DCDC1: variants seen among roughly 807,000 people sequenced by gnomAD.
DCDC1 encodes the protein doublecortin domain containing 1.
In DCDC1, 200 loss-of-function variants were observed where a neutral mutation model predicts 178.3. The ratio of observed to expected loss-of-function variants is 1.12; its 90% CI spans 1.00 to 1.26. The LOEUF (loss-of-function observed/expected upper bound fraction) is 1.26. Among genes scored for constraint, DCDC1 ranks in the 50% most tolerant of loss-of-function variants. DCDC1 has a pLI of 0.00. For synonymous variants in DCDC1, 690 were observed against 604.8 expected, an observed-to-expected ratio of 1.14 and a Z score of -2.07; for missense variants, 1,983 against 1,749.2, an observed-to-expected ratio of 1.13 and a Z score of -2.38.
chr11:31,033,459 T>C (rs193049949), intron 20 of DCDC1, among the ~76,000 whole-genome samples: 2 of 152,298 alleles, frequency 1.3e-5, no homozygotes, highest in Admixed American at 1.3e-4. Flanking sequence ...GGAATTCTCC[T>C]GTAAGAAAGA....
intron 9 of DCDC1, among the ~76,000 whole-genome samples, chr11:31,231,947 C>G (rs1467343324): frequency 2.0e-5 from 3 of 152,240 alleles, no homozygotes; most frequent in Admixed American, 6.5e-5. Context: ...AAAGTAAACT[C>G]TAGCATATGC....
At chr11:30,922,423 A>T in intron 24 of DCDC1, 80 bp downstream of exon 24, 2 of 1,400,660 alleles carry the variant, frequency 1.4e-6, no homozygotes, top group South Asian at 1.8e-5. Context: ...GTTTAAACAA[A>T]CTTTGACTTT....
chr11:30,925,514 C>A lies in DCDC1; in HGVS notation c.2898-106G>T. On this transcript the variant is annotated intron_variant, in intron 22 of 38. Coordinates refer to ENST00000684477, the MANE Select transcript of DCDC1 (RefSeq NM_001387274.1). ...CCTGAATCCATAATGACAACTCTCT[C>A]TGCAGGACTGTTAGTCATGAGCTGG... The A allele has an allele frequency of 7.5e-6, 7 of 931,530 alleles. No homozygotes were observed. In the South Asian group the frequency reaches 1.1e-4, roughly 14 times the overall value. The allele number at this position is 931,530 out of a possible 1,614,324, so 57.7% of individuals were successfully genotyped here.
chr11:31,125,760 C>T (rs969770433), intron 11 of DCDC1, among the ~76,000 whole-genome samples: 4 of 152,036 alleles, frequency 2.6e-5, no homozygotes, highest in African/African-American at 4.8e-5. Context: ...GATCAACACA[C>T]ACTGGGGCCC....
At chr11:31,278,492 G>T (rs985321260) in intron 7 of DCDC1, among the ~76,000 whole-genome samples, 8 of 152,086 alleles carry the variant, frequency 5.3e-5, no homozygotes, top group Admixed American at 1.3e-4. Flanking sequence ...GAGTAGAATG[G>T]TGATTACAGG....
At chr11:31,002,141 C>G (rs1951612290) in intron 20 of DCDC1, among the ~76,000 whole-genome samples, 1 of 152,108 alleles carries the variant, frequency 6.6e-6, no homozygotes, top group Non-Finnish European at 1.5e-5. Flanking sequence ...CCACCTATGA[C>G]TTACACATTA....
At chr11:31,205,305 A>C (rs1971741094) in intron 9 of DCDC1, among the ~76,000 whole-genome samples, 2 of 152,224 alleles carry the variant, frequency 1.3e-5, no homozygotes, top group South Asian at 4.1e-4. Context: ...TGTATGGTAC[A>C]CAAAGCCTAA....
intron 9 of DCDC1, among the ~76,000 whole-genome samples, chr11:31,238,627 T>G (rs545569431): frequency 6.6e-6 from 1 of 152,164 alleles, no homozygotes; most frequent in Non-Finnish European, 1.5e-5. Flanking sequence ...CACCACTACA[T>G]AACAAGAATG....
chr11:31,167,256 C>A (rs747379889), intron 9 of DCDC1, among the ~76,000 whole-genome samples: 1 of 152,148 alleles, frequency 6.6e-6, no homozygotes, highest in Non-Finnish European at 1.5e-5. Context: ...TATGAGATTT[C>A]AAAATCACCA....
intron 20 of DCDC1, among the ~76,000 whole-genome samples, chr11:30,979,083 C>T (rs1057019639): frequency 2.0e-5 from 3 of 152,162 alleles, no homozygotes; most frequent in African/African-American, 7.2e-5. Context: ...CCATTAACCT[C>T]TACTCTCCTA....
chr11:31,064,798 G>A (rs1423217668), intron 19 of DCDC1, among the ~76,000 whole-genome samples, 172 bp from the exon 20 acceptor site: 1 of 152,052 alleles, frequency 6.6e-6, no homozygotes, highest in African/African-American at 2.4e-5. Flanking sequence ...AAGAAAAAAA[G>A]GGTATCACAT....
intron 20 of DCDC1, among the ~76,000 whole-genome samples, chr11:30,989,729 T>C (rs1950866950): frequency 6.6e-6 from 1 of 152,146 alleles, no homozygotes; most frequent in Non-Finnish European, 1.5e-5. Context: ...TTAAATAATA[T>C]ATAATATTGT....
chr11:30,970,238 A>G (rs988395246), intron 20 of DCDC1, among the ~76,000 whole-genome samples: 1 of 152,182 alleles, frequency 6.6e-6, no homozygotes, highest in Non-Finnish European at 1.5e-5. Flanking sequence ...TGGAGGCCAC[A>G]CAACAGCATT....
chr11:31,246,758 A>G (rs1188259040), intron 8 of DCDC1, among the ~76,000 whole-genome samples: 2 of 152,076 alleles, frequency 1.3e-5, no homozygotes, highest in Non-Finnish European at 2.9e-5. Context: ...GATTTATATC[A>G]GTGTATTTTT....
At chr11:30,999,236 C>G (rs1242135734) in intron 20 of DCDC1, among the ~76,000 whole-genome samples, 1 of 151,988 alleles carries the variant, frequency 6.6e-6, no homozygotes, top group Non-Finnish European at 1.5e-5. Flanking sequence ...ACTGATGAAA[C>G]CTTATAAGTC....
intron 9 of DCDC1, among the ~76,000 whole-genome samples, chr11:31,168,211 T>G (rs1966856129): frequency 6.6e-6 from 1 of 152,170 alleles, no homozygotes; most frequent in East Asian, 1.9e-4. Context: ...TTGATTGTTA[T>G]TTATTTATTT....
At position 30,900,228 on chromosome 11, in the gene DCDC1, T is replaced by A. The variant is rs186492871; in HGVS notation, c.4663+118A>T. The A allele has an allele frequency of 3.6e-3, 3,372 of 930,766 alleles. 20 individuals carry two copies. Among genetic ancestry groups the A allele is most frequent in the Middle Eastern group, 0.01 (44 of 4,304 alleles). 57.7% of individuals were successfully genotyped at this position (930,766 alleles called of 1,614,324 possible). On this transcript the variant is annotated intron_variant, in intron 33 of 38. Transcript: ENST00000684477. ...ATGAACCTTCTGTTCTTTGTATAAA[T>A]GTGATGTTATTATGTTGATATTATA... is the stretch of plus-strand genomic sequence containing the variant.
chr11:30,943,732 C>CCATAT, intron 21 of DCDC1: 1 of 413,848 alleles, frequency 2.4e-6, no homozygotes, highest in Non-Finnish European at 4.8e-6. Context: ...TAAGGCTTTA[C>CCATAT]CATATTTAAA....
At chr11:31,173,904 T>A (rs1591306260) in intron 9 of DCDC1, among the ~76,000 whole-genome samples, 1 of 152,030 alleles carries the variant, frequency 6.6e-6, no homozygotes, top group African/African-American at 2.4e-5. Context: ...ATGATGAGAG[T>A]GGCGGCCTGT....
Sources: allele counts gnomAD v4.1 joint callset (sites outside exome capture counted in the v4.1 genomes callset), GRCh38; gene constraint gnomAD v4.1.1; transcripts MANE v1.5; gene names NCBI Gene and HGNC (gene_info 2026-07-23, HGNC 2026-07-21).